The following PPFIA2 variants were observed in gnomAD, a reference collection of about 807,000 sequenced individuals.
PPFIA2 encodes the protein liprin-alpha-2.
A neutral mutation model predicts 175.5 loss-of-function variants in PPFIA2; 46 were observed. The ratio of observed to expected loss-of-function variants is 0.26; its 90% CI spans 0.21 to 0.34. The LOEUF is 0.34. Among genes scored for constraint, PPFIA2 ranks in the 10% least tolerant of loss-of-function variants. The probability of loss-of-function intolerance (pLI) is 1.00; values close to 1 mark genes in which losing one functional copy is unlikely to be tolerated. For synonymous variants in PPFIA2, 568 were observed against 511.4 expected (o/e 1.11, Z -1.49); for missense variants, 1,179 against 1,506.1 (o/e 0.78, Z 3.60).
In PPFIA2 at chr12:81,642,704, A is replaced by ATGTATGTATTATATACATACATGTACG. The variant is rs2065261951; in HGVS notation, c.303+34086_303+34087insCGTACATGTATGTATATAATACATACA. ...GTATCTATTATATACATACATGTATATGTATGTATGTATTATATACATACA... is the reference window on the plus strand; with the variant it reads ...GTATCTATTATATACATACATGTATATGTATGTATTATATACATACATGTACGTGTATGTATGTATTATATACATACA... On this transcript the variant is annotated intron_variant, in intron 4 of 32. Transcript: ENST00000549396. 4.2e-4 allele frequency among the ~76,000 whole-genome samples: 4 copies of ATGTATGTATTATATACATACATGTACG among 9,468 alleles called. 2 individuals carry two copies. In the East Asian group the frequency reaches 5.4e-3, roughly 13 times the overall value. 6.2% of individuals were successfully genotyped at this position (9,468 alleles called of 152,430 possible). A position where few individuals can be genotyped will look rare whatever the true frequency, so the allele number is the denominator to read the frequency against.
intron 22 of PPFIA2, chr12:81,311,945 T>C (rs1209346592): frequency 1.8e-6 from 1 of 567,940 alleles, no homozygotes; most frequent in Non-Finnish European, 3.1e-6. Context: ...GAAATACAAG[T>C]GCCCAAAAGC....
intron 22 of PPFIA2, among the ~76,000 whole-genome samples, chr12:81,315,604 T>C (rs1379383644): frequency 6.6e-6 from 1 of 151,672 alleles, no homozygotes; most frequent in Non-Finnish European, 1.5e-5. Context: ...GAAGCATGAT[T>C]TGTGGTGATG....
At chr12:81,519,976 T>G (rs1441295551) in intron 4 of PPFIA2, among the ~76,000 whole-genome samples, 2 of 152,176 alleles carry the variant, frequency 1.3e-5, no homozygotes, top group African/African-American at 4.8e-5. Flanking sequence ...AACAACATAC[T>G]CTAATAAAAG....
chr12:81,596,307 C>T (rs533915266), intron 4 of PPFIA2, among the ~76,000 whole-genome samples: 2 of 151,502 alleles, frequency 1.3e-5, no homozygotes, highest in East Asian at 1.9e-4. Context: ...CCACCAAAGG[C>T]AAAAACAAAT....
chr12:81,309,583 T>C (rs1048546315), intron 22 of PPFIA2, among the ~76,000 whole-genome samples: 3 of 152,072 alleles, frequency 2.0e-5, no homozygotes, highest in African/African-American at 7.2e-5. Context: ...TTTTCACATT[T>C]GGTGAAAATG....
chr12:81,468,752 G>T (rs2056205441), intron 4 of PPFIA2, among the ~76,000 whole-genome samples: 1 of 152,106 alleles, frequency 6.6e-6, no homozygotes, highest in South Asian at 2.1e-4. Context: ...TGCTATAAAA[G>T]TTGTAAAATC....
chr12:81,415,585 A>T lies in PPFIA2; in HGVS notation c.646-9682T>A, dbSNP rs1484386887. On this transcript the variant is annotated intron_variant, in intron 7 of 32. Coordinates refer to ENST00000549396, the MANE Select transcript of PPFIA2 (RefSeq NM_003625.5). ...CTCAGTTAGTTTATAATGATTAAAAAATCCTCTTTAAATTAATATTTAAAG... is the reference window on the plus strand; with the variant it reads ...CTCAGTTAGTTTATAATGATTAAAATATCCTCTTTAAATTAATATTTAAAG... Among the ~76,000 whole-genome samples the T allele has an allele frequency of 2.7e-5, 4 of 150,548 alleles. No homozygotes were observed. The South Asian group carries it at 6.2e-4, about 23-fold the overall frequency.
intron 9 of PPFIA2, 63 bp from the exon 10 acceptor site, chr12:81,376,005 T>A: frequency 7.1e-7 from 1 of 1,406,992 alleles, no homozygotes; most frequent in Admixed American, 2.1e-5. Flanking sequence ...TATTGTCTTG[T>A]TAGTTAAATA....
chr12:81,445,051 A>G (rs2050957265), intron 6 of PPFIA2, among the ~76,000 whole-genome samples: 1 of 152,138 alleles, frequency 6.6e-6, no homozygotes, highest in African/African-American at 2.4e-5. Flanking sequence ...GAATATTCAA[A>G]TGAATATTTA....
chr12:81,445,819 C>G (rs754516726), intron 5 of PPFIA2, 99 bp from the exon 6 acceptor site: 64 of 1,132,682 alleles, frequency 5.7e-5, no homozygotes, highest in Non-Finnish European at 7.9e-5. Flanking sequence ...TACATAGTAT[C>G]TAATGTTAGC....
chr12:81,581,610 T>C (rs907342750), intron 4 of PPFIA2, among the ~76,000 whole-genome samples: 2 of 151,942 alleles, frequency 1.3e-5, no homozygotes, highest in African/African-American at 4.8e-5. Context: ...ATTTTGCTAT[T>C]ATCTATTTTA....
intron 3 of PPFIA2, among the ~76,000 whole-genome samples, chr12:81,680,858 C>T (rs1394759187): frequency 2.6e-5 from 4 of 151,906 alleles, no homozygotes; most frequent in South Asian, 2.1e-4. Flanking sequence ...AGTGAGGTGC[C>T]TATAGTGCAA....
At chr12:81,612,858 CAA>C (rs1438069778) in intron 4 of PPFIA2, among the ~76,000 whole-genome samples, 1 of 152,102 alleles carries the variant, frequency 6.6e-6, no homozygotes, top group Non-Finnish European at 1.5e-5. Flanking sequence ...TACACACACA[CAA>C]ATTTAAAATG....
At chr12:81,414,947 T>C (rs1592627501) in intron 7 of PPFIA2, among the ~76,000 whole-genome samples, 1 of 150,676 alleles carries the variant, frequency 6.6e-6, no homozygotes, top group Non-Finnish European at 1.5e-5. Context: ...AGCTCTGCAT[T>C]TGGAAATAAG....
chr12:81,626,525 A>G (rs566124272), intron 4 of PPFIA2, among the ~76,000 whole-genome samples: 24 of 152,206 alleles, frequency 1.6e-4, no homozygotes, highest in Admixed American at 2.6e-4. Context: ...AATAGAATTT[A>G]TCTCTTGTGC....
At chr12:81,424,849 C>A (rs2046871734) in intron 7 of PPFIA2, 1 of 152,166 alleles carries the variant, frequency 6.6e-6, no homozygotes, top group Non-Finnish European at 1.5e-5. Flanking sequence ...TGTCCCTCAG[C>A]CCACTTGTTC....
At chr12:81,584,493 T>C (rs1471657398) in intron 4 of PPFIA2, among the ~76,000 whole-genome samples, 1 of 151,614 alleles carries the variant, frequency 6.6e-6, no homozygotes, top group African/African-American at 2.4e-5. Context: ...AAGTACAGGA[T>C]AAAGTATGCT....
intron 3 of PPFIA2, among the ~76,000 whole-genome samples, chr12:81,707,086 A>G (rs1050754418): frequency 2.0e-5 from 3 of 152,238 alleles, no homozygotes; most frequent in African/African-American, 4.8e-5. Flanking sequence ...AAACCTAGGC[A>G]TTACCATTCA....
chr12:81,349,627 C>T (rs1213272458), intron 17 of PPFIA2, among the ~76,000 whole-genome samples: 1 of 137,444 alleles, frequency 7.3e-6, no homozygotes, highest in African/African-American at 3.2e-5. Flanking sequence ...AGAAAAATGA[C>T]TCCTAGAAAT....
Sources: gnomAD v4.1 joint callset for allele counts (sites outside exome capture counted in the v4.1 genomes callset) on GRCh38, gnomAD v4.1.1 for gene constraint, MANE v1.5 for transcripts, NCBI Gene and HGNC (gene_info 2026-07-23, HGNC 2026-07-21) for gene names.